The following KCNQ5 variants were observed in gnomAD, a reference collection of about 807,000 sequenced individuals.
KCNQ5 encodes potassium voltage-gated channel subfamily Q member 5, also known as potassium voltage-gated channel subfamily KQT member 5.
Under a neutral mutation model 98.2 loss-of-function variants are expected in KCNQ5, and 30 were observed. The observed-to-expected ratio is 0.31, with a 90% CI of 0.23 to 0.41. The LOEUF (loss-of-function observed/expected upper bound fraction) is 0.41, where lower values mean the gene tolerates loss of function less well. KCNQ5 is among the 10% of genes least tolerant of loss of function. The pLI is 1.00. For synonymous variants in KCNQ5, 458 were observed against 449.4 expected (o/e 1.02, Z -0.24); for missense variants, 835 against 1,182.5 (o/e 0.71, Z 4.31).
chr6:72,862,401 G>T (rs1322484734), intron 1 of KCNQ5, among the ~76,000 whole-genome samples: 2 of 152,176 alleles, frequency 1.3e-5, no homozygotes, highest in Admixed American at 6.5e-5. Context: ...CAAATAACTT[G>T]CTTCCTCATT....
intron 2 of KCNQ5, among the ~76,000 whole-genome samples, chr6:73,020,986 C>T (rs1313629530): frequency 1.3e-5 from 2 of 152,294 alleles, no homozygotes; most frequent in African/African-American, 4.8e-5. Context: ...TTTTCATGCA[C>T]ACTGTCTCTG....
intron 1 of KCNQ5, among the ~76,000 whole-genome samples, chr6:72,929,010 C>T (rs561057222): frequency 3.3e-5 from 5 of 152,076 alleles, no homozygotes; most frequent in African/African-American, 7.2e-5. Flanking sequence ...TTAAGTCATG[C>T]GTATAGAAGT....
intron 1 of KCNQ5, among the ~76,000 whole-genome samples, chr6:72,761,196 G>T (rs572303168): frequency 3.9e-5 from 6 of 152,186 alleles, no homozygotes; most frequent in African/African-American, 1.4e-4. Flanking sequence ...TAAGAATGAT[G>T]AACTTATTTC....
At chr6:72,738,130 G>C (rs1261907969) in intron 1 of KCNQ5, among the ~76,000 whole-genome samples, 1 of 151,130 alleles carries the variant, frequency 6.6e-6, no homozygotes, top group African/African-American at 2.5e-5. Context: ...ACTCCAGCCT[G>C]GGCGACAAAG....
intron 11 of KCNQ5, among the ~76,000 whole-genome samples, chr6:73,175,967 T>C (rs1369638473): frequency 1.3e-5 from 2 of 152,116 alleles, no homozygotes; most frequent in East Asian, 3.9e-4. Context: ...CAGAGAGAAC[T>C]GCAATTGCAA....
chr6:72,660,236 A>G (rs1280016097), intron 1 of KCNQ5, among the ~76,000 whole-genome samples: 19 of 152,218 alleles, frequency 1.2e-4, no homozygotes, highest in Non-Finnish European at 2.5e-4. Context: ...ACCTCTTATT[A>G]TTCCTATTTT....
At chr6:73,151,409 T>C (rs1043282001) in intron 10 of KCNQ5, among the ~76,000 whole-genome samples, 1 of 152,236 alleles carries the variant, frequency 6.6e-6, no homozygotes, top group Admixed American at 6.5e-5. Context: ...CACTCTTTTT[T>C]CACTCTTCCT....
At chr6:73,133,283 AT>A (rs748061080) in intron 9 of KCNQ5, 137 bp from the exon 10 acceptor site, 8 of 694,662 alleles carry the variant, frequency 1.2e-5, no homozygotes, top group Non-Finnish European at 1.9e-5. Flanking sequence ...TAAGGGAAAA[AT>A]AATTGCTATG....
intron 1 of KCNQ5, among the ~76,000 whole-genome samples, chr6:72,871,506 A>AG (rs756831230): frequency 2.3e-4 from 35 of 152,202 alleles, no homozygotes; most frequent in Non-Finnish European, 4.4e-4. Flanking sequence ...GGAATCAATC[A>AG]CTAAAGAAAT....
intron 10 of KCNQ5, among the ~76,000 whole-genome samples, chr6:73,166,107 C>G (rs572912428): frequency 6.6e-6 from 1 of 151,988 alleles, no homozygotes; most frequent in African/African-American, 2.4e-5. Flanking sequence ...CTGTTCCTCA[C>G]TTTCATAATC....
intron 1 of KCNQ5, among the ~76,000 whole-genome samples, chr6:72,899,667 A>G (rs1011516811): frequency 6.6e-6 from 1 of 151,430 alleles, no homozygotes. Context: ...TTATTTTTCC[A>G]TAGATTATAG....
chr6:73,019,898 A>G (rs1770513062), intron 2 of KCNQ5, among the ~76,000 whole-genome samples: 1 of 152,184 alleles, frequency 6.6e-6, no homozygotes, highest in Admixed American at 6.5e-5. Flanking sequence ...CACCTATAAC[A>G]TTGGGATCAT....
chr6:72,997,898 AGT>A (rs1769383391), intron 1 of KCNQ5, among the ~76,000 whole-genome samples: 1 of 151,936 alleles, frequency 6.6e-6, no homozygotes, highest in Admixed American at 6.6e-5. Flanking sequence ...AGAATCGTGC[AGT>A]GTTCTAATCA....
chr6:72,977,226 G>GA (rs1196064948), intron 1 of KCNQ5, among the ~76,000 whole-genome samples: 3 of 152,146 alleles, frequency 2.0e-5, no homozygotes, highest in African/African-American at 7.2e-5. Context: ...ATGTGGAAAG[G>GA]AAGCCATGTA....
intron 1 of KCNQ5, among the ~76,000 whole-genome samples, chr6:72,956,738 C>T (rs1328353072): frequency 6.6e-6 from 1 of 151,524 alleles, no homozygotes; most frequent in Non-Finnish European, 1.5e-5. Flanking sequence ...ATCTTACATG[C>T]AAAACCTATG....
intron 1 of KCNQ5, among the ~76,000 whole-genome samples, chr6:72,658,934 T>C (rs1404852693): frequency 6.6e-6 from 1 of 152,174 alleles, no homozygotes; most frequent in Non-Finnish European, 1.5e-5. Context: ...TTTTTTACAG[T>C]TGTTCATGGC....
chr6:72,834,171 A>G (rs1188406397), intron 1 of KCNQ5, among the ~76,000 whole-genome samples: 1 of 152,100 alleles, frequency 6.6e-6, no homozygotes, highest in African/African-American at 2.4e-5. Flanking sequence ...GGGTGGATAC[A>G]TGAGTGTTTG....
Position 73,105,364 on chromosome 6 carries a change from T to G in KCNQ5, c.1026T>G (p.Pro342=). The change falls in exon 6 of 14, where the codon CCT becomes CCG. Residue 342 remains proline (P), a synonymous_variant. Coordinates refer to ENST00000370398, the MANE Select transcript of KCNQ5 (RefSeq NM_019842.4). ...ALLGISFFAL[P]AGILGSGFAL... The stretch of plus-strand genomic sequence containing the variant: ...TTGGCATTTCTTTCTTTGCACTTCC[T>G]GCCGTGAGTATCTTTGCACCAATAA... 6.3e-7 allele frequency: 1 copy of G among 1,596,576 alleles called. No homozygotes were observed.
chr6:72,968,673 T>C (rs1194563421), intron 1 of KCNQ5, among the ~76,000 whole-genome samples: 1 of 152,236 alleles, frequency 6.6e-6, no homozygotes, highest in Non-Finnish European at 1.5e-5. Context: ...AGAGATATTC[T>C]CCTAAAACTA....
Sources: gnomAD v4.1 joint callset for allele counts (sites outside exome capture counted in the v4.1 genomes callset) on GRCh38, gnomAD v4.1.1 for gene constraint, MANE v1.5 for transcripts, NCBI Gene and HGNC (gene_info 2026-07-23, HGNC 2026-07-21) for gene names.